The following TBC1D5 variants were observed in gnomAD, a reference collection of about 807,000 sequenced individuals.
TBC1D5 encodes TBC1 domain family member 5.
TBC1D5 carries 75 observed loss-of-function variants against 100.3 expected under a neutral mutation model. That is an observed-to-expected ratio of 0.75 (90% CI 0.62 to 0.91). TBC1D5 has a LOEUF of 0.91. Among genes scored for constraint, TBC1D5 ranks in the 40% least tolerant of loss-of-function variants. TBC1D5 has a pLI of 0.00. For synonymous variants in TBC1D5, 323 were observed against 325.6 expected, an observed-to-expected ratio of 0.99 and a Z score of 0.09; for missense variants, 910 against 942.4, an observed-to-expected ratio of 0.97 and a Z score of 0.45.
chr3:17,260,673 AC>A (rs1343434450), intron 15 of TBC1D5, among the ~76,000 whole-genome samples: 3 of 152,222 alleles, frequency 2.0e-5, no homozygotes, highest in Non-Finnish European at 4.4e-5. Flanking sequence ...TGTTTCTAAA[AC>A]ATAAATATAC....
chr3:17,673,485 AT>A lies in TBC1D5; in HGVS notation c.-100-49573del, dbSNP rs1195624471. On this transcript the variant is annotated intron_variant, in intron 1 of 21. Coordinates refer to ENST00000253692, the Ensembl canonical transcript of TBC1D5. ...GCCACCATGCCCAGATAATGTTTGT[AT>A]TTTTTTTTTTGCAGAGTGAGGGTTT... Among the ~76,000 whole-genome samples the A allele has an allele frequency of 6.2e-3, 677 of 109,078 alleles. 4 individuals carry two copies. Among genetic ancestry groups the A allele is most frequent in the Middle Eastern group, 0.018 (4 of 222 alleles). 71.6% of individuals were successfully genotyped at this position (109,078 alleles called of 152,430 possible).
chr3:17,515,385 C>A (rs1419540307), intron 2 of TBC1D5, among the ~76,000 whole-genome samples: 2 of 152,122 alleles, frequency 1.3e-5, no homozygotes, highest in East Asian at 1.9e-4. Context: ...TGAAAGATAG[C>A]CTTTTCAATT....
At chr3:17,667,001 AAATG>A (rs1199356833) in intron 1 of TBC1D5, among the ~76,000 whole-genome samples, 1 of 152,192 alleles carries the variant, frequency 6.6e-6, no homozygotes, top group African/African-American at 2.4e-5. Flanking sequence ...AAAAATATAA[AAATG>A]AATACAAGAC....
At chr3:17,706,827 A>T (rs2074231685) in intron 1 of TBC1D5, among the ~76,000 whole-genome samples, 1 of 151,884 alleles carries the variant, frequency 6.6e-6, no homozygotes. Flanking sequence ...TTAACAAAAA[A>T]ATTAGATCTA....
intron 1 of TBC1D5, among the ~76,000 whole-genome samples, chr3:17,717,811 A>T (rs1050453614): frequency 1.3e-5 from 2 of 152,168 alleles, no homozygotes; most frequent in Admixed American, 6.5e-5. Flanking sequence ...ACCCATACAC[A>T]TACACATTTA....
At chr3:17,501,996 ATT>A (rs1392224560) in intron 3 of TBC1D5, among the ~76,000 whole-genome samples, 2 of 149,638 alleles carry the variant, frequency 1.3e-5, no homozygotes, top group East Asian at 3.9e-4. Flanking sequence ...GTGATATCTC[ATT>A]CAACTCTGCC....
intron 3 of TBC1D5, among the ~76,000 whole-genome samples, chr3:17,504,352 G>T (rs1323361957): frequency 7.3e-5 from 11 of 150,126 alleles, no homozygotes; most frequent in Non-Finnish European, 1.3e-4. Context: ...GAGTTAGTGG[G>T]TGCAGCGCAC....
intron 1 of TBC1D5, among the ~76,000 whole-genome samples, chr3:17,651,177 G>A (rs951540480): frequency 2.0e-5 from 3 of 151,984 alleles, no homozygotes; most frequent in Admixed American, 6.6e-5. Flanking sequence ...TATCATTTAA[G>A]TCTCATATCT....
At chr3:17,221,333 G>A (rs2074261214) in intron 17 of TBC1D5, among the ~76,000 whole-genome samples, 4 of 151,836 alleles carry the variant, frequency 2.6e-5, no homozygotes, top group South Asian at 2.1e-4. Context: ...TGTGCACAAC[G>A]TGCAGGTTTG....
chr3:17,452,177 T>TA (rs1423039040), intron 3 of TBC1D5, among the ~76,000 whole-genome samples: 1 of 150,660 alleles, frequency 6.6e-6, no homozygotes, highest in Non-Finnish European at 1.5e-5. Context: ...CACAAAAAAA[T>TA]AAAAAGCAAG....
chr3:17,339,266 T>A (rs372195084), intron 13 of TBC1D5, among the ~76,000 whole-genome samples: 5 of 152,214 alleles, frequency 3.3e-5, no homozygotes, highest in Admixed American at 2.6e-4. Context: ...TGGGACTTTA[T>A]TCTGTCACGA....
At chr3:17,739,781 G>C (rs1021836334) in exon 1 of TBC1D5, 2 of 151,960 alleles carry the variant, frequency 1.3e-5, no homozygotes, top group African/African-American at 4.8e-5. Context: ...GAGGCAGGCG[G>C]ATTACTTGAG....
At chr3:17,472,347 C>T (rs767761863) in intron 3 of TBC1D5, among the ~76,000 whole-genome samples, 6 of 151,968 alleles carry the variant, frequency 3.9e-5, no homozygotes, top group Non-Finnish European at 8.8e-5. Flanking sequence ...ACCTTGTTGG[C>T]CAGGATGGTC....
chr3:17,544,712 A>C (rs542242934), intron 2 of TBC1D5, among the ~76,000 whole-genome samples: 28 of 151,998 alleles, frequency 1.8e-4, no homozygotes, highest in African/African-American at 6.8e-4. Context: ...TGTGGAAGAT[A>C]ATTTAGATTA....
At chr3:17,577,037 T>G (rs1391687539) in intron 2 of TBC1D5, among the ~76,000 whole-genome samples, 1 of 151,890 alleles carries the variant, frequency 6.6e-6, no homozygotes, top group Non-Finnish European at 1.5e-5. Context: ...TGCCACTGAA[T>G]AATAAGAAAA....
intron 1 of TBC1D5, among the ~76,000 whole-genome samples, chr3:17,656,855 C>T (rs924645510): frequency 2.0e-5 from 3 of 151,700 alleles, no homozygotes; most frequent in African/African-American, 4.9e-5. Context: ...AATGCGCATT[C>T]GAATGGAATA....
chr3:17,669,813 GA>G (rs2067721540), intron 1 of TBC1D5, among the ~76,000 whole-genome samples: 1 of 152,160 alleles, frequency 6.6e-6, no homozygotes, highest in Non-Finnish European at 1.5e-5. Context: ...GCAACTCAAT[GA>G]ATACAAGACC....
chr3:17,312,769 T>C (rs555188049), intron 13 of TBC1D5, among the ~76,000 whole-genome samples: 4 of 152,318 alleles, frequency 2.6e-5, no homozygotes, highest in African/African-American at 9.6e-5. Flanking sequence ...TGTTTGAAGC[T>C]GTTTTGTCAG....
intron 16 of TBC1D5, among the ~76,000 whole-genome samples, chr3:17,256,099 CA>C (rs1162574335): frequency 2.6e-5 from 4 of 152,046 alleles, no homozygotes; most frequent in Non-Finnish European, 5.9e-5. Context: ...AACTATTGGT[CA>C]GATTATTGGT....
Sources: gnomAD v4.1 joint callset for allele counts (sites outside exome capture counted in the v4.1 genomes callset) on GRCh38, gnomAD v4.1.1 for gene constraint, MANE v1.5 for transcripts, NCBI Gene and HGNC (gene_info 2026-07-23, HGNC 2026-07-21) for gene names.